The following NODAL variants were observed in gnomAD, a reference collection of about 807,000 sequenced individuals.
NODAL encodes nodal homolog.
In NODAL, 12 loss-of-function variants were observed where a neutral mutation model predicts 34.0. The ratio of observed to expected loss-of-function variants is 0.35; its 90% CI spans 0.23 to 0.57. The LOEUF is 0.57. Ranked by LOEUF, NODAL falls within the 20% of genes least tolerant of loss-of-function variation. The pLI, the probability that NODAL is intolerant of heterozygous loss-of-function variation, is 0.83. For synonymous variants in NODAL, 162 were observed against 186.4 expected (o/e 0.87, Z 1.07); for missense variants, 390 against 444.2 (o/e 0.88, Z 1.10).
chr10:70,435,005 C>G, intron 2 of NODAL: 1 of 443,508 alleles, frequency 2.3e-6, no homozygotes. Flanking sequence ...CTGAGACCCT[C>G]TGGTCTACCC....
Position 70,447,363 on chromosome 10 carries a change from C to T in NODAL, c.28+561G>A, listed in dbSNP as rs1023760023. On this transcript the variant is annotated intron_variant, in intron 1 of 2. Transcript: ENST00000414871. ...TGCTGGGATTACAGGCATGAGCTAC[C>T]GCACCTGGCCAGCAGAGCCCTCTTC... Among the ~76,000 whole-genome samples the T allele has an allele frequency of 5.9e-5, 9 of 152,110 alleles. No individual in the cohort carries two copies. The East Asian group carries it at 9.8e-4, about 17-fold the overall frequency.
chr10:70,442,632 T>C (rs901997616), upstream of NODAL, among the ~76,000 whole-genome samples: 2 of 152,228 alleles, frequency 1.3e-5, no homozygotes, highest in South Asian at 4.1e-4. Flanking sequence ...CCTTTACACC[T>C]GAGGGCTCTT....
chr10:70,435,801 C>G lies in NODAL; in HGVS notation c.376G>C (p.Asp126His). 1 of 1,614,168 alleles carries G rather than the reference C, an allele frequency of 6.2e-7. No individual in the cohort carries two copies. Among genetic ancestry groups the G allele is most frequent in the South Asian group, 1.1e-5 (1 of 91,082 alleles). ...ATCTGAAACCGCTCTAAGCAGCTGTCTGAAGCCTGCTCTGTGTCGGGCTTT... is the reference window on the plus strand; with the variant it reads ...ATCTGAAACCGCTCTAAGCAGCTGTGTGAAGCCTGCTCTGTGTCGGGCTTT... ...QPKPDTEQASDSCLERFQMDL... is the reference protein window; with the variant it reads ...QPKPDTEQASHSCLERFQMDL... The change falls in exon 2 of 3, where the codon GAC becomes CAC. Residue 126 changes from aspartate (D) to histidine (H), a missense_variant. Transcript: ENST00000287139.
chr10:70,443,630 G>A (rs139534976), upstream of NODAL, among the ~76,000 whole-genome samples: 13 of 152,008 alleles, frequency 8.6e-5, no homozygotes, highest in Non-Finnish European at 1.3e-4. Flanking sequence ...ACCTGAGGTC[G>A]GGGGTTTGAG....
upstream of NODAL, among the ~76,000 whole-genome samples, chr10:70,443,526 A>T (rs59893901): frequency 0.085 from 12,872 of 152,204 alleles, 737 homozygotes; most frequent in East Asian, 0.23. Context: ...TCTTTAAAAA[A>T]AAAAAATAAA....
At chr10:70,433,611 C>T (rs116793998) in intron 2 of NODAL, among the ~76,000 whole-genome samples, 1,539 of 151,756 alleles carry the variant, frequency 0.01, 23 homozygotes, top group African/African-American at 0.035. Flanking sequence ...AATAGGGTTT[C>T]GGCATGTTGC....
At chr10:70,435,090 T>C in intron 2 of NODAL, 196 bp downstream of exon 2, 1 of 600,918 alleles carries the variant, frequency 1.7e-6, no homozygotes, top group South Asian at 2.0e-5. Flanking sequence ...CAGTGACGCA[T>C]GACCCCATAC....
intron 1 of NODAL, among the ~76,000 whole-genome samples, chr10:70,437,088 T>C (rs1004233662): frequency 2.3e-4 from 35 of 152,154 alleles, no homozygotes; most frequent in African/African-American, 1.7e-4. Context: ...CCATTTATTC[T>C]GGTCCTGGAT....
At chr10:70,442,661 C>T (rs1845445612), upstream of NODAL, among the ~76,000 whole-genome samples, 1 of 152,212 alleles carries the variant, frequency 6.6e-6, no homozygotes. Context: ...TAGCTCCCCC[C>T]ACCTACCTAG....
Position 70,433,035 on chromosome 10 carries a change from T to G in NODAL, c.945A>C (p.Pro315=). Residue 315 remains proline, a synonymous_variant, in exon 3 of 3, where the codon CCA becomes CCC. Coordinates refer to ENST00000287139, the MANE Select transcript of NODAL (RefSeq NM_018055.5). The stretch of plus-strand genomic sequence containing the variant: ...GCATGCTCAGCGGCTTGGTCTTCAC[T>G]GGGGCACAACAAGTGGAAGGGACTC... The part of the protein sequence containing the change: ...PHRVPSTCCA[P]VKTKPLSMLY... The G allele has an allele frequency of 6.2e-7, 1 of 1,613,892 alleles. No homozygotes were observed. The highest frequency in any genetic ancestry group is 8.5e-7 in the Non-Finnish European group (1 of 1,179,962).
chr10:70,446,264 G>T (rs944245102), upstream of NODAL, among the ~76,000 whole-genome samples: 8 of 152,320 alleles, frequency 5.3e-5, no homozygotes, highest in Admixed American at 2.6e-4. Context: ...GAGGTTCTCA[G>T]ATGCTTTCCA....
intron 1 of NODAL, chr10:70,436,422 A>C: frequency 3.9e-6 from 1 of 256,654 alleles, no homozygotes; most frequent in Non-Finnish European, 7.7e-6. Flanking sequence ...AAAAATACAA[A>C]ATTAGCTGGG....
At chr10:70,445,844 A>G (rs116867815), upstream of NODAL, among the ~76,000 whole-genome samples, 3,131 of 152,270 alleles carry the variant, frequency 0.021, 52 homozygotes, top group Non-Finnish European at 0.035. Flanking sequence ...AAAACTCTCA[A>G]ATAACGTCTT....
chr10:70,437,786 C>G (rs1040082267), intron 1 of NODAL, among the ~76,000 whole-genome samples: 3 of 152,132 alleles, frequency 2.0e-5, no homozygotes, highest in African/African-American at 7.2e-5. Context: ...AGGGGTCACT[C>G]CCAATCTCAG....
intron 1 of NODAL, among the ~76,000 whole-genome samples, chr10:70,446,886 C>A (rs1206919046): frequency 6.6e-6 from 1 of 152,030 alleles, no homozygotes; most frequent in Admixed American, 6.6e-5. Flanking sequence ...TGATTGAACC[C>A]CATATTCCCA....
At chr10:70,446,274 A>C (rs747116574), upstream of NODAL, among the ~76,000 whole-genome samples, 49 of 152,290 alleles carry the variant, frequency 3.2e-4, no homozygotes, top group Non-Finnish European at 5.4e-4. Flanking sequence ...GATGCTTTCC[A>C]TAGAGACATT....
chr10:70,443,971 C>T (rs1845461039), upstream of NODAL, among the ~76,000 whole-genome samples: 1 of 140,786 alleles, frequency 7.1e-6, no homozygotes, highest in Non-Finnish European at 1.5e-5. Context: ...TTGCTCTTGT[C>T]GCCCAGGCTA....
intron 1 of NODAL, among the ~76,000 whole-genome samples, chr10:70,438,515 T>A (rs1845385170): frequency 6.6e-6 from 1 of 152,206 alleles, no homozygotes; most frequent in South Asian, 2.1e-4. Context: ...TTAACTGAGA[T>A]AATTCATGTA....
chr10:70,441,707 T>C (rs1166561993), upstream of NODAL: 2 of 1,543,796 alleles, frequency 1.3e-6, no homozygotes, highest in South Asian at 2.4e-5. Context: ...CTCCAGCCCT[T>C]ATATCCTGGG....
Sources: allele counts gnomAD v4.1 joint callset (sites outside exome capture counted in the v4.1 genomes callset), GRCh38; gene constraint gnomAD v4.1.1; transcripts MANE v1.5; gene names NCBI Gene and HGNC (gene_info 2026-07-23, HGNC 2026-07-21).